Variants in DAP observed in about 807,000 individuals in gnomAD.
DAP encodes death associated protein, also known as death-associated protein 1.
In DAP, 8 loss-of-function variants were observed where a neutral mutation model predicts 13.8. That is an observed-to-expected ratio of 0.58 (90% CI 0.34 to 1.05). The LOEUF (loss-of-function observed/expected upper bound fraction) is 1.05, where lower values mean the gene tolerates loss of function less well. Among genes scored for constraint, DAP ranks in the 50% least tolerant of loss-of-function variants. DAP has a pLI of 0.03. For synonymous variants in DAP, 47 were observed against 47.5 expected (o/e 0.99, Z 0.04); for missense variants, 106 against 133.2 (o/e 0.80, Z 1.01).
chr5:10,728,184 C>T (rs1233230620), intron 2 of DAP, among the ~76,000 whole-genome samples: 2 of 152,050 alleles, frequency 1.3e-5, no homozygotes, highest in Non-Finnish European at 1.5e-5. Flanking sequence ...AAGTGAAATG[C>T]TATTTTTTTG....
At chr5:10,701,601 C>T (rs946884547) in intron 2 of DAP, among the ~76,000 whole-genome samples, 11 of 3,842 alleles carry the variant, frequency 2.9e-3, no homozygotes, top group East Asian at 5.4e-3. Context: ...TTGAGGGGGA[C>T]GGGGGGCGGG....
chr5:10,708,313 CACAG>C (rs1579797177), intron 2 of DAP, among the ~76,000 whole-genome samples: 1 of 151,590 alleles, frequency 6.6e-6, no homozygotes, highest in South Asian at 2.1e-4. Context: ...CATAGAGACA[CACAG>C]ACACAGACAC....
At chr5:10,708,737 C>A (rs747841341) in intron 2 of DAP, among the ~76,000 whole-genome samples, 1 of 152,254 alleles carries the variant, frequency 6.6e-6, no homozygotes, top group African/African-American at 2.4e-5. Context: ...GACTCCTACA[C>A]TGCAGGCCCA....
At chr5:10,753,403 G>A (rs987807417) in intron 1 of DAP, among the ~76,000 whole-genome samples, 2 of 152,232 alleles carry the variant, frequency 1.3e-5, no homozygotes, top group Non-Finnish European at 2.9e-5. Flanking sequence ...ACAGGGCCAG[G>A]TTATTACACT....
chr5:10,686,036 G>A (rs1738147661), intron 2 of DAP, among the ~76,000 whole-genome samples: 1 of 152,238 alleles, frequency 6.6e-6, no homozygotes, highest in Non-Finnish European at 1.5e-5. Flanking sequence ...GCATAAGCAA[G>A]TCTATGGGTG....
At chr5:10,689,212 AACCAGCCTCTG>A (rs1369994577) in intron 2 of DAP, among the ~76,000 whole-genome samples, 1 of 152,114 alleles carries the variant, frequency 6.6e-6, no homozygotes, top group Non-Finnish European at 1.5e-5. Flanking sequence ...GAGGCCTAGA[AACCAGCCTCTG>A]ACTCCCAGGG....
intron 2 of DAP, among the ~76,000 whole-genome samples, chr5:10,687,529 A>C (rs544481243): frequency 1.3e-5 from 2 of 149,892 alleles, no homozygotes; most frequent in Non-Finnish European, 3.0e-5. Context: ...CTAACTGCAG[A>C]TGTGGTGAAA....
intron 2 of DAP, among the ~76,000 whole-genome samples, chr5:10,737,620 T>A (rs983980753): frequency 2.6e-5 from 4 of 152,228 alleles, no homozygotes; most frequent in Non-Finnish European, 5.9e-5. Flanking sequence ...CATACATGCC[T>A]GAGATTTAAG....
In DAP at chr5:10,684,977, G is replaced by C. The variant is rs551202957; in HGVS notation, c.153-1406C>G. Among the ~76,000 whole-genome samples, 50 of 152,322 alleles carry C rather than the reference G, an allele frequency of 3.3e-4. 1 individual carries two copies. The highest frequency in any genetic ancestry group is 2.8e-3 in the Admixed American group (43 of 15,304). The stretch of plus-strand genomic sequence containing the variant: ...GTAGAGGGGGTAGAATTTATCCCCT[G>C]AGCTCACCAGCCTGTCTCTTCCCAG... On this transcript the variant is annotated intron_variant, in intron 2 of 3. Transcript: ENST00000230895.
At chr5:10,713,123 T>G (rs1738893579) in intron 2 of DAP, among the ~76,000 whole-genome samples, 5 of 152,166 alleles carry the variant, frequency 3.3e-5, no homozygotes, top group Non-Finnish European at 2.9e-5. Flanking sequence ...ACATGCCCTC[T>G]CAGGATGAAC....
rs1738730674 is a variant in DAP, at chr5:10,707,633, A to G, written c.153-24062T>C. ...GTGGTGCACAGGCGGCGTGATGTAC[A>G]GGTGGTGTGATGCACGGGTGGTGTG... On this transcript the variant is annotated intron_variant, in intron 2 of 3. Coordinates refer to ENST00000230895, the MANE Select transcript of DAP (RefSeq NM_004394.3). This position sits in a 1 kb window ranked among gnomAD's most constrained non-coding sequence, Gnocchi z 4.0. Among the ~76,000 whole-genome samples the G allele has an allele frequency of 7.2e-6, 1 of 139,278 alleles. No homozygotes were observed. Among genetic ancestry groups the G allele is most frequent in the Non-Finnish European group, 1.6e-5 (1 of 63,952 alleles). 91.4% of individuals were successfully genotyped at this position (139,278 alleles called of 152,430 possible).
chr5:10,746,634 C>G (rs17769408), intron 2 of DAP, among the ~76,000 whole-genome samples: 8,259 of 152,242 alleles, frequency 0.054, 269 homozygotes, highest in South Asian at 0.082. Context: ...CCGGACAATT[C>G]TAGCATTTTC....
chr5:10,719,321 G>A (rs1380255506), intron 2 of DAP, among the ~76,000 whole-genome samples: 1 of 152,206 alleles, frequency 6.6e-6, no homozygotes, highest in Non-Finnish European at 1.5e-5. Flanking sequence ...ACAGGTCCAG[G>A]CTGCTATGCA....
In DAP at chr5:10,680,583, T is replaced by TTA. The variant is rs1737958498; in HGVS notation, c.*471_*472dup. ...TGCTGTTCCCTGCCTCTAAGGTCCT[T>TTA]TATGAGGGGCCGCCCAAACTCATTC... On this transcript the variant is annotated 3_prime_UTR_variant, in exon 4 of 4. Transcript: ENST00000230895. 1 of 764,504 alleles carries TTA rather than the reference T, an allele frequency of 1.3e-6. No homozygotes were observed. The highest frequency in any genetic ancestry group is 1.8e-5 in the African/African-American group (1 of 56,966). 47.4% of individuals were successfully genotyped at this position (764,504 alleles called of 1,614,324 possible).
chr5:10,738,346 A>C (rs970038219), intron 2 of DAP, among the ~76,000 whole-genome samples: 1 of 152,288 alleles, frequency 6.6e-6, no homozygotes, highest in African/African-American at 2.4e-5. Context: ...TGAATTACAA[A>C]GGGTAAAATA....
intron 2 of DAP, among the ~76,000 whole-genome samples, chr5:10,720,690 T>A (rs1739112730): frequency 6.6e-6 from 1 of 152,208 alleles, no homozygotes. Context: ...AGTGCCCAAT[T>A]TGCCAGCAGC....
rs566722391 is a variant in DAP, at chr5:10,728,840, G to A, written c.152+19335C>T. On this transcript the variant is annotated intron_variant, in intron 2 of 3. Coordinates refer to ENST00000230895, the MANE Select transcript of DAP (RefSeq NM_004394.3). ...GGGGGAGAGATGCGGAGAGGAAGAG[G>A]CAGGGGGAGAGGGCCAGTCAGCCCC... is the stretch of plus-strand genomic sequence containing the variant. Among the ~76,000 whole-genome samples, 11 of 152,282 alleles carry A rather than the reference G, an allele frequency of 7.2e-5. No homozygotes were observed. In the East Asian group the frequency reaches 2.1e-3, roughly 29 times the overall value.
chr5:10,706,376 T>G (rs1270678759), intron 2 of DAP, among the ~76,000 whole-genome samples: 1 of 152,200 alleles, frequency 6.6e-6, no homozygotes, highest in South Asian at 2.1e-4. Flanking sequence ...TAAGGACACA[T>G]GCACAGAGAG....
At chr5:10,713,437 G>T (rs1338104814) in intron 2 of DAP, among the ~76,000 whole-genome samples, 3 of 152,222 alleles carry the variant, frequency 2.0e-5, no homozygotes, top group Non-Finnish European at 4.4e-5. Context: ...AGCAGGGAAT[G>T]AGGGAGGCAG....
Sources: gnomAD v4.1 joint callset for allele counts (sites outside exome capture counted in the v4.1 genomes callset) on GRCh38, gnomAD v4.1.1 for gene constraint, Gnocchi (gnomAD v3.1) non-coding constraint, MANE v1.5 for transcripts, NCBI Gene and HGNC (gene_info 2026-07-23, HGNC 2026-07-21) for gene names.